Variants in PCSK6 observed in about 807,000 individuals in gnomAD.
PCSK6 encodes proprotein convertase subtilisin/kexin type 6.
In PCSK6, 85 loss-of-function variants were observed where a neutral mutation model predicts 123.3. That is an observed-to-expected ratio of 0.69 (90% CI 0.58 to 0.83). The LOEUF is 0.83. Among genes scored for constraint, PCSK6 ranks in the 40% least tolerant of loss-of-function variants. The pLI, the probability that PCSK6 is intolerant of heterozygous loss-of-function variation, is 0.00. For synonymous variants in PCSK6, 508 were observed against 516.0 expected (o/e 0.98, Z 0.21); for missense variants, 1,191 against 1,282.3 (o/e 0.93, Z 1.09).
Position 101,361,956 on chromosome 15 carries a change from C to CT in PCSK6, c.1858+4239dup, listed in dbSNP as rs10639429. ...CCAAGCAATGGAGTGCAAGGTGAAGCTTTTTTTTTTTTTTTTTTGAGTTGG... is the reference window on the plus strand; with the variant it reads ...CCAAGCAATGGAGTGCAAGGTGAAGCTTTTTTTTTTTTTTTTTTTGAGTTGG... On this transcript the variant is annotated intron_variant, in intron 13 of 21. Coordinates refer to ENST00000611716, the MANE Select transcript of PCSK6 (RefSeq NM_002570.5). Among the ~76,000 whole-genome samples, 693 of 111,506 alleles carry CT rather than the reference C, an allele frequency of 6.2e-3. 33 individuals carry two copies. The highest frequency in any genetic ancestry group is 0.017 in the Middle Eastern group (3 of 178). 73.2% of individuals were successfully genotyped at this position (111,506 alleles called of 152,430 possible). A position where few individuals can be genotyped will look rare whatever the true frequency, so the allele number is the denominator to read the frequency against.
chr15:101,318,510 T>A (rs1212481792), intron 18 of PCSK6, 88 bp from the exon 19 acceptor site: 2 of 1,090,844 alleles, frequency 1.8e-6, no homozygotes, highest in Non-Finnish European at 2.7e-6. Flanking sequence ...AGAGGAGATG[T>A]AAGTGGCTGA....
chr15:101,323,227 C>T lies in PCSK6; in HGVS notation c.2378-620G>A, dbSNP rs532741122. Among the ~76,000 whole-genome samples the T allele has an allele frequency of 2.0e-4, 30 of 152,322 alleles. No homozygotes were observed. In the South Asian group the frequency reaches 4.1e-3, roughly 21 times the overall value. On this transcript the variant is annotated intron_variant, in intron 17 of 21. Coordinates refer to ENST00000611716, the MANE Select transcript of PCSK6 (RefSeq NM_002570.5). ...AGCTGCTTGCCACACCTGCACGTGTCCCCCTCAGGGCCCCCACAGGTGGCA... is the reference window on the plus strand; with the variant it reads ...AGCTGCTTGCCACACCTGCACGTGTTCCCCTCAGGGCCCCCACAGGTGGCA...
chr15:101,477,261 G>T (rs1395732414), intron 1 of PCSK6, among the ~76,000 whole-genome samples: 1 of 151,670 alleles, frequency 6.6e-6, no homozygotes, highest in Non-Finnish European at 1.5e-5. Context: ...GTGTGTGTCT[G>T]TGTGTCTGTG....
intron 11 of PCSK6, among the ~76,000 whole-genome samples, chr15:101,375,535 C>T (rs2041709781): frequency 6.6e-6 from 1 of 152,194 alleles, no homozygotes; most frequent in Admixed American, 6.5e-5. Context: ...TACAGTCAAT[C>T]CTCATTATTC....
At chr15:101,337,114 C>T (rs1243344422) in intron 13 of PCSK6, 1 of 152,144 alleles carries the variant, frequency 6.6e-6, no homozygotes, top group Non-Finnish European at 1.5e-5. Context: ...ACGCCATTCT[C>T]CTGCCTCAGC....
chr15:101,476,339 A>G (rs2057730006), intron 1 of PCSK6, among the ~76,000 whole-genome samples: 7 of 152,192 alleles, frequency 4.6e-5, no homozygotes, highest in Admixed American at 3.3e-4. Flanking sequence ...CCACTGCAAC[A>G]CTGCTTATAA....
At chr15:101,312,921 C>A in intron 20 of PCSK6, 1 of 520,316 alleles carries the variant, frequency 1.9e-6, no homozygotes, top group Non-Finnish European at 2.6e-6. Context: ...ATGAGAGTTG[C>A]TTGAATCCCA....
At chr15:101,361,775 C>T (rs2041230098) in intron 13 of PCSK6, among the ~76,000 whole-genome samples, 1 of 151,952 alleles carries the variant, frequency 6.6e-6, no homozygotes, top group Non-Finnish European at 1.5e-5. Context: ...TGGAGAGTGG[C>T]TCTAGCCAGT....
At chr15:101,428,329 T>G (rs769010637) in intron 5 of PCSK6, among the ~76,000 whole-genome samples, 1 of 152,202 alleles carries the variant, frequency 6.6e-6, no homozygotes, top group African/African-American at 2.4e-5. Flanking sequence ...TGGCCACTGC[T>G]GTGTAGGGTG....
rs769069838 is a variant in PCSK6, at chr15:101,398,559, C to T, written c.841G>A (p.Gly281Ser). The change falls in exon 7 of 22, where the codon GGC (glycine) becomes AGC (serine). Residue 281 changes from glycine to serine, a missense_variant. By Grantham distance (56) the Gly-to-Ser change is moderately conservative. Coordinates refer to ENST00000611716, the MANE Select transcript of PCSK6 (RefSeq NM_002570.5). This position sits in a 1 kb window ranked among gnomAD's most constrained non-coding sequence, Gnocchi z 4.6. ...AKIGGIRMLD[G>S]DVTDVVEAKS... ...GCCTCGACCACATCTGTGACATCGC[C>T]GTCCAGCATGCGGATGCCTGAAAGC... 10 of 1,612,490 alleles carry T rather than the reference C, an allele frequency of 6.2e-6. No homozygotes were observed. Among genetic ancestry groups the T allele is most frequent in the African/African-American group, 4.0e-5 (3 of 74,914 alleles).
rs111834604 is a variant in PCSK6 at position 101,476,047 on chromosome 15, G to A, written c.297+13327C>T. On this transcript the variant is annotated intron_variant, in intron 1 of 21. Transcript: ENST00000611716. The stretch of plus-strand genomic sequence containing the variant: ...TCCCCTCTCTGGAGTCAGACTATTC[G>A]GGTTCAAATCTTGGCTCTGGCACCT... Among the ~76,000 whole-genome samples the A allele has an allele frequency of 9.2e-5, 14 of 152,240 alleles. 1 individual carries two copies. Among genetic ancestry groups the A allele is most frequent in the South Asian group, 4.2e-4 (2 of 4,818 alleles).
intron 6 of PCSK6, among the ~76,000 whole-genome samples, chr15:101,423,202 G>A (rs146290332): frequency 1.8e-3 from 269 of 151,254 alleles, no homozygotes; most frequent in Admixed American, 0.014. Context: ...TGAGGGATTC[G>A]GAAACAGTAA....
chr15:101,427,798 A>G, intron 6 of PCSK6, 94 bp downstream of exon 6: 2 of 1,035,356 alleles, frequency 1.9e-6, no homozygotes, highest in Non-Finnish European at 2.8e-6. Flanking sequence ...GCCAAAGCCA[A>G]AAAACAGGAG....
intron 1 of PCSK6, among the ~76,000 whole-genome samples, chr15:101,457,568 T>G (rs1365816572): frequency 2.0e-5 from 3 of 152,178 alleles, no homozygotes; most frequent in Non-Finnish European, 4.4e-5. Flanking sequence ...AGTTGCAAAG[T>G]TAGAGAAATC....
chr15:101,458,401 G>A (rs1421294209), intron 1 of PCSK6, among the ~76,000 whole-genome samples: 1 of 152,096 alleles, frequency 6.6e-6, no homozygotes, highest in Non-Finnish European at 1.5e-5. Flanking sequence ...ACCCGAGCTG[G>A]GCAATGTGGC....
Position 101,476,072 on chromosome 15 carries a change from T to C in PCSK6, c.297+13302A>G, listed in dbSNP as rs551242706. On this transcript the variant is annotated intron_variant, in intron 1 of 21. Coordinates refer to ENST00000611716, the MANE Select transcript of PCSK6 (RefSeq NM_002570.5). ...GGGTTCAAATCTTGGCTCTGGCACC[T>C]ACAAGTTGTGTAACTGGGAAAAAGT... 1.4e-3 allele frequency among the ~76,000 whole-genome samples: 206 copies of C among 152,336 alleles called. 3 individuals are homozygous for C. The highest frequency in any genetic ancestry group is 4.8e-3 in the African/African-American group (198 of 41,580).
At chr15:101,362,766 C>G (rs2041271458) in intron 13 of PCSK6, among the ~76,000 whole-genome samples, 3 of 152,174 alleles carry the variant, frequency 2.0e-5, no homozygotes, top group Admixed American at 2.0e-4. Context: ...AGTGACTTGC[C>G]AAGGTCACAG....
At chr15:101,405,424 G>T (rs1185505300) in intron 6 of PCSK6, among the ~76,000 whole-genome samples, 1 of 152,182 alleles carries the variant, frequency 6.6e-6, no homozygotes, top group East Asian at 1.9e-4. Context: ...CGGGAGGAGT[G>T]TTGAGTGGAA....
chr15:101,336,237 G>A (rs1412915657), intron 13 of PCSK6, among the ~76,000 whole-genome samples: 14 of 152,196 alleles, frequency 9.2e-5, no homozygotes, highest in Admixed American at 7.9e-4. Flanking sequence ...GTAACGTGGG[G>A]ATAATAATAA....
Sources: allele counts gnomAD v4.1 joint callset (sites outside exome capture counted in the v4.1 genomes callset), GRCh38; gene constraint gnomAD v4.1.1; non-coding constraint Gnocchi (gnomAD v3.1); transcripts MANE v1.5; gene names NCBI Gene and HGNC (gene_info 2026-07-23, HGNC 2026-07-21).